The following CSNK1G3 variants were observed in gnomAD, a reference collection of about 807,000 sequenced individuals.
CSNK1G3 encodes the protein casein kinase 1 gamma 3, also known as casein kinase I isoform gamma-3.
Under a neutral mutation model 64.3 loss-of-function variants are expected in CSNK1G3, and 23 were observed. That is an observed-to-expected ratio of 0.36 (90% CI 0.26 to 0.51). The LOEUF (loss-of-function observed/expected upper bound fraction) is 0.51. CSNK1G3 is among the 20% of genes least tolerant of loss of function. The pLI is 0.96. For missense variants in CSNK1G3, 357 were observed against 510.5 expected, an observed-to-expected ratio of 0.70 and a Z score of 2.90; for synonymous variants, 158 against 162.2, an observed-to-expected ratio of 0.97 and a Z score of 0.20.
exon 11 of CSNK1G3, chr5:123,604,797 C>T: frequency 1.2e-6 from 2 of 1,610,874 alleles, no homozygotes; most frequent in African/African-American, 2.7e-5. Flanking sequence ...CCCATCACAG[C>T]CCCTACTGAA....
At chr5:123,525,335 G>A (rs1315517546) in intron 1 of CSNK1G3, among the ~76,000 whole-genome samples, 2 of 145,738 alleles carry the variant, frequency 1.4e-5, no homozygotes, top group Non-Finnish European at 3.0e-5. Context: ...TTTTTGAGAC[G>A]GAGTCTCACT....
At chr5:123,538,763 A>C (rs1372932045) in intron 1 of CSNK1G3, among the ~76,000 whole-genome samples, 1 of 152,186 alleles carries the variant, frequency 6.6e-6, no homozygotes, top group Non-Finnish European at 1.5e-5. Flanking sequence ...CTTATTGTTC[A>C]GTTGCAGCGT....
At chr5:123,518,572 G>T (rs1224351711) in intron 1 of CSNK1G3, among the ~76,000 whole-genome samples, 2 of 152,172 alleles carry the variant, frequency 1.3e-5, no homozygotes, top group African/African-American at 2.4e-5. Flanking sequence ...CTCTGGAAAA[G>T]CAAATACATC....
chr5:123,605,681 G>C (rs940473976), intron 12 of CSNK1G3, among the ~76,000 whole-genome samples: 37 of 152,010 alleles, frequency 2.4e-4, no homozygotes, highest in African/African-American at 8.2e-4. Context: ...TATTTAAATA[G>C]AAAGATAGAT....
chr5:123,614,624 C>G (rs1749149278), exon 13 of CSNK1G3: 1 of 422,036 alleles, frequency 2.4e-6, no homozygotes, highest in African/African-American at 2.1e-5. Context: ...AACATGAGTG[C>G]TTTGCCCATC....
At chr5:123,544,900 T>C (rs1782268408) in intron 1 of CSNK1G3, among the ~76,000 whole-genome samples, 1 of 152,074 alleles carries the variant, frequency 6.6e-6, no homozygotes, top group South Asian at 2.1e-4. Flanking sequence ...AGTTCTATGC[T>C]CCAATCCCAT....
intron 9 of CSNK1G3, 92 bp from the exon 10 acceptor site, chr5:123,591,227 G>GT: frequency 4.5e-6 from 3 of 664,362 alleles, no homozygotes; most frequent in Non-Finnish European, 4.7e-6. Context: ...ACAGTCTTTT[G>GT]TTTTTTTCCT....
chr5:123,561,996 C>T (rs1038015344), intron 4 of CSNK1G3, among the ~76,000 whole-genome samples: 2 of 152,120 alleles, frequency 1.3e-5, no homozygotes, highest in African/African-American at 4.8e-5. Context: ...TTGAATATCT[C>T]AACCAGCTTT....
chr5:123,548,531 ATATT>A (rs1169826164), intron 2 of CSNK1G3, among the ~76,000 whole-genome samples: 2 of 151,302 alleles, frequency 1.3e-5, no homozygotes, highest in African/African-American at 4.9e-5. Flanking sequence ...ATTTTAAATT[ATATT>A]TATTTATTTG....
intron 10 of CSNK1G3, among the ~76,000 whole-genome samples, chr5:123,597,646 G>T (rs1245374398): frequency 2.6e-5 from 4 of 152,010 alleles, no homozygotes; most frequent in African/African-American, 9.7e-5. Context: ...GAAGTTATCA[G>T]CAGAGTCTAA....
chr5:123,588,558 A>T (rs1460854450), intron 8 of CSNK1G3, 47 bp downstream of exon 8: 3 of 1,162,234 alleles, frequency 2.6e-6, no homozygotes. Context: ...AAAACTAGAA[A>T]TGCTAATTTT....
chr5:123,526,440 TC>T (rs1242355715), intron 1 of CSNK1G3, among the ~76,000 whole-genome samples: 2 of 152,042 alleles, frequency 1.3e-5, no homozygotes, highest in African/African-American at 4.8e-5. Context: ...GGAAATATTC[TC>T]TTTTTTTTTA....
chr5:123,568,362 G>A (rs552968626), intron 4 of CSNK1G3, among the ~76,000 whole-genome samples: 1 of 152,142 alleles, frequency 6.6e-6, no homozygotes, highest in African/African-American at 2.4e-5. Context: ...TCCAACCACT[G>A]GGCTGGTTGT....
rs542152826 is a variant in CSNK1G3, at chr5:123,564,213, T to G, written c.289+6649T>G. Among the ~76,000 whole-genome samples, 23 of 152,196 alleles carry G rather than the reference T, an allele frequency of 1.5e-4. No individual in the cohort carries two copies. In the East Asian group the frequency reaches 3.1e-3, roughly 20 times the overall value. On this transcript the variant is annotated intron_variant, in intron 4 of 12. Transcript: ENST00000345990. ...GAATGGGTACATTTAAAGAATGTTATGCATTATCAGAAAGAGGTGTTAACT... is the reference window on the plus strand; with the variant it reads ...GAATGGGTACATTTAAAGAATGTTAGGCATTATCAGAAAGAGGTGTTAACT...
chr5:123,559,700 TG>T (rs1333187398), intron 4 of CSNK1G3, among the ~76,000 whole-genome samples: 2 of 125,194 alleles, frequency 1.6e-5, no homozygotes, highest in East Asian at 2.0e-4. Context: ...ATATTTTTTG[TG>T]GTTTTTTTTT....
intron 1 of CSNK1G3, among the ~76,000 whole-genome samples, chr5:123,538,908 T>G (rs1781248606): frequency 1.3e-5 from 2 of 152,352 alleles, no homozygotes; most frequent in South Asian, 4.1e-4. Context: ...TTTTAGCGTC[T>G]TCTAAGAAAT....
intron 2 of CSNK1G3, 160 bp from the exon 3 acceptor site, chr5:123,552,947 A>G: frequency 2.3e-6 from 1 of 430,376 alleles, no homozygotes; most frequent in South Asian, 4.5e-5. Flanking sequence ...CGAGTTGATA[A>G]TAAGTTTGAA....
chr5:123,521,084 C>G (rs1334254470), intron 1 of CSNK1G3, among the ~76,000 whole-genome samples: 1 of 151,856 alleles, frequency 6.6e-6, no homozygotes, highest in African/African-American at 2.4e-5. Flanking sequence ...ATTTGGAGTA[C>G]AAAAATAGTC....
exon 13 of CSNK1G3, chr5:123,614,532 C>A: frequency 1.8e-5 from 11 of 614,526 alleles, no homozygotes; most frequent in Non-Finnish European, 2.4e-5. Context: ...TTTCATACTT[C>A]ATTTTGTGGT....
Sources: gnomAD v4.1 joint callset for allele counts (sites outside exome capture counted in the v4.1 genomes callset) on GRCh38, gnomAD v4.1.1 for gene constraint, MANE v1.5 for transcripts, NCBI Gene and HGNC (gene_info 2026-07-23, HGNC 2026-07-21) for gene names.